The following LMO7 variants were observed in gnomAD, a reference collection of about 807,000 sequenced individuals.
LMO7 encodes LIM domain 7, also known as LIM domain only protein 7.
Under a neutral mutation model 206.5 loss-of-function variants are expected in LMO7, and 120 were observed. The ratio of observed to expected loss-of-function variants is 0.58; its 90% CI spans 0.50 to 0.68. The LOEUF (loss-of-function observed/expected upper bound fraction) is 0.68, where lower values mean the gene tolerates loss of function less well. Ranked by LOEUF, LMO7 falls within the 30% of genes least tolerant of loss-of-function variation. The pLI is 0.00. For synonymous variants in LMO7, 706 were observed against 681.5 expected, an observed-to-expected ratio of 1.04 and a Z score of -0.56; for missense variants, 1,959 against 1,957.9, an observed-to-expected ratio of 1.00 and a Z score of -0.01.
chr13:75,718,508 C>T (rs937525533), intron 2 of LMO7, among the ~76,000 whole-genome samples: 14 of 152,234 alleles, frequency 9.2e-5, no homozygotes, highest in African/African-American at 3.4e-4. Flanking sequence ...TTTGGGTTCA[C>T]AGAAAAACTG....
intron 3 of LMO7, among the ~76,000 whole-genome samples, chr13:75,747,460 G>A (rs981527215): frequency 1.5e-4 from 23 of 152,344 alleles, no homozygotes; most frequent in African/African-American, 4.8e-4. Context: ...AACACGAGAA[G>A]TTAGGTGAAT....
chr13:75,822,798 T>TATATATATATA (rs2057723138), intron 14 of LMO7, among the ~76,000 whole-genome samples: 1 of 104,180 alleles, frequency 9.6e-6, no homozygotes, highest in Non-Finnish European at 1.9e-5. Context: ...ATATATATAG[T>TATATATATATA]TTCTAAAAAT....
rs1295537964 is a variant in LMO7 at position 75,817,212 on chromosome 13, G to A, written c.1998G>A (p.Gln666=). Residue 666 remains glutamine, a synonymous_variant, in exon 12 of 31, where the codon CAG becomes CAA. Transcript: ENST00000377534. ...CAGAAGATGTTCAAAACTTGCGTCA[G>A]CTGCGTTACGAGGAGATGCAGAAAA... ...VSAEDVQNLR[Q]LRYEEMQKIK... 1 of 1,613,838 alleles carries A rather than the reference G, an allele frequency of 6.2e-7. No individual in the cohort carries two copies. Among genetic ancestry groups the A allele is most frequent in the African/African-American group, 1.3e-5 (1 of 75,042 alleles).
chr13:75,784,141 A>G (rs2052018366), intron 4 of LMO7, among the ~76,000 whole-genome samples: 10 of 152,192 alleles, frequency 6.6e-5, no homozygotes, highest in Admixed American at 6.5e-4. Flanking sequence ...CAGGCATGCC[A>G]CTTAACATCC....
intron 26 of LMO7, among the ~76,000 whole-genome samples, chr13:75,846,046 A>G (rs1180684087): frequency 6.6e-6 from 1 of 152,048 alleles, no homozygotes; most frequent in Non-Finnish European, 1.5e-5. Flanking sequence ...CCAGCCTATC[A>G]TTGCCATGCT....
chr13:75,807,304 G>C (rs1313933460), intron 9 of LMO7, among the ~76,000 whole-genome samples, 176 bp from the exon 10 acceptor site: 1 of 152,118 alleles, frequency 6.6e-6, no homozygotes, highest in Non-Finnish European at 1.5e-5. Flanking sequence ...ATGGGTGTTG[G>C]ATTAAATGCT....
At chr13:75,817,326 T>C in intron 12 of LMO7, 48 bp downstream of exon 12, 1 of 1,211,726 alleles carries the variant, frequency 8.3e-7, no homozygotes, top group Non-Finnish European at 1.2e-6. Context: ...TGTCTAACTT[T>C]TCTTTGCTTC....
intron 1 of LMO7, among the ~76,000 whole-genome samples, chr13:75,696,443 A>G (rs2041912258): frequency 6.6e-6 from 1 of 152,220 alleles, no homozygotes; most frequent in Non-Finnish European, 1.5e-5. Flanking sequence ...ATTGTTTCAT[A>G]TAAGGAAATC....
At chr13:75,838,603 T>G (rs1275833648) in intron 20 of LMO7, among the ~76,000 whole-genome samples, 1 of 152,182 alleles carries the variant, frequency 6.6e-6, no homozygotes, top group African/African-American at 2.4e-5. Flanking sequence ...TTGGCCAAGT[T>G]TTTAAAAACC....
chr13:75,776,108 TATATACATAC>T (rs1566432804), intron 4 of LMO7, among the ~76,000 whole-genome samples: 1 of 109,964 alleles, frequency 9.1e-6, no homozygotes, highest in African/African-American at 2.9e-5. Flanking sequence ...TATATATATA[TATATACATAC>T]ATACATACAT....
Position 75,707,911 on chromosome 13 carries a change from A to G in LMO7, c.70-5271A>G, listed in dbSNP as rs577337411. ...CTACACATGATCTTGCCTTTCTATCATCTTTTTGGGGGAGATGAACCATTA... is the reference window on the plus strand; with the variant it reads ...CTACACATGATCTTGCCTTTCTATCGTCTTTTTGGGGGAGATGAACCATTA... On this transcript the variant is annotated intron_variant, in intron 1 of 30. Transcript: ENST00000377534. Among the ~76,000 whole-genome samples the G allele has an allele frequency of 2.0e-5, 3 of 152,060 alleles. No homozygotes were observed. In the South Asian group the frequency reaches 6.2e-4, roughly 32 times the overall value.
chr13:75,637,241 ACCTG>A (rs1343327841), intron 1 of LMO7, among the ~76,000 whole-genome samples: 2 of 152,058 alleles, frequency 1.3e-5, no homozygotes, highest in African/African-American at 4.8e-5. Flanking sequence ...CCGAAGGCCC[ACCTG>A]GAAGGATGAT....
Position 75,807,473 on chromosome 13 carries a change from G to T in LMO7, c.1197-7G>T. On this transcript the variant is annotated splice_polypyrimidine_tract_variant and splice_region_variant and intron_variant, in intron 9 of 30. Coordinates refer to ENST00000377534, the MANE Select transcript of LMO7 (RefSeq NM_001306080.2). ...ATTCTCTTTCCTTTTTCCTCTCTGT[G>T]CATCAGTCAGTTTTTACTGCTTCAG... 6.2e-7 allele frequency: 1 copy of T among 1,611,604 alleles called. No homozygotes were observed. The highest frequency in any genetic ancestry group is 1.7e-5 in the Admixed American group (1 of 59,812).
chr13:75,787,752 G>A (rs1010702938), intron 4 of LMO7, among the ~76,000 whole-genome samples: 4 of 152,168 alleles, frequency 2.6e-5, no homozygotes, highest in African/African-American at 9.7e-5. Context: ...CGCCTCTAAC[G>A]TCACTGGGAG....
chr13:75,633,144 TG>T (rs1234751694), upstream of LMO7, among the ~76,000 whole-genome samples: 2 of 152,110 alleles, frequency 1.3e-5, no homozygotes, highest in Non-Finnish European at 2.9e-5. Flanking sequence ...ATTACAGGTG[TG>T]AGCCACTGTG....
At chr13:75,751,036 G>A (rs2047223641) in intron 3 of LMO7, among the ~76,000 whole-genome samples, 1 of 151,920 alleles carries the variant, frequency 6.6e-6, no homozygotes, top group Admixed American at 6.6e-5. Context: ...TGCAGGGTTA[G>A]AGGAGGCAGG....
chr13:75,649,097 C>T (rs1471563696), intron 1 of LMO7, among the ~76,000 whole-genome samples: 1 of 152,118 alleles, frequency 6.6e-6, no homozygotes, highest in Non-Finnish European at 1.5e-5. Flanking sequence ...GTTCTGTGGG[C>T]AGGACAGTGA....
At chr13:75,844,330 A>G (rs1469637635) in intron 25 of LMO7, among the ~76,000 whole-genome samples, 1 of 151,200 alleles carries the variant, frequency 6.6e-6, no homozygotes, top group African/African-American at 2.4e-5. Flanking sequence ...ATATACATAT[A>G]TGTACATAAG....
At position 75,727,903 on chromosome 13, in the gene LMO7, A is replaced by G. The variant is rs186137250; in HGVS notation, c.210+805A>G. On this transcript the variant is annotated intron_variant, in intron 3 of 30. Transcript: ENST00000377534. ...TGGTTTTTTGTCCTTGCGATAGTTT[A>G]CTGAGAATGATGGTTTCCAGTTTCA... Among the ~76,000 whole-genome samples, 1,215 of 151,360 alleles carry G rather than the reference A, an allele frequency of 8.0e-3. 21 individuals are homozygous for G. Among genetic ancestry groups the G allele is most frequent in the East Asian group, 0.061 (313 of 5,126 alleles).
Sources: allele counts gnomAD v4.1 joint callset (sites outside exome capture counted in the v4.1 genomes callset), GRCh38; gene constraint gnomAD v4.1.1; transcripts MANE v1.5; gene names NCBI Gene and HGNC (gene_info 2026-07-23, HGNC 2026-07-21).